RORA: variants seen among roughly 807,000 people sequenced by gnomAD.
RORA encodes RAR related orphan receptor A, also known as nuclear receptor ROR-alpha.
In RORA, 7 loss-of-function variants were observed where a neutral mutation model predicts 69.5. The observed-to-expected ratio is 0.10, with a 90% confidence interval of 0.06 to 0.19. RORA has a LOEUF of 0.19. Ranked by LOEUF, RORA falls within the 10% of genes least tolerant of loss-of-function variation. The pLI is 1.00. For synonymous variants in RORA, 261 were observed against 240.8 expected (o/e 1.08, Z -0.78); for missense variants, 457 against 663.0 (o/e 0.69, Z 3.41).
At chr15:61,183,677 C>T (rs2079710981) in intron 1 of RORA, among the ~76,000 whole-genome samples, 1 of 152,066 alleles carries the variant, frequency 6.6e-6, no homozygotes, top group Non-Finnish European at 1.5e-5. Context: ...TCTTCTTATC[C>T]TCATTTATTC....
At chr15:61,135,323 T>C (rs911017601) in intron 1 of RORA, among the ~76,000 whole-genome samples, 6 of 151,792 alleles carry the variant, frequency 4.0e-5, no homozygotes, top group Non-Finnish European at 7.4e-5. Flanking sequence ...AGAGAGAGAC[T>C]CTGTCTCAAA....
chr15:60,501,672 A>G (rs568218122), intron 8 of RORA, among the ~76,000 whole-genome samples: 61 of 152,314 alleles, frequency 4.0e-4, no homozygotes, highest in African/African-American at 1.4e-3. Context: ...AACATCCTTA[A>G]AAATGTTAAC....
At chr15:60,669,294 A>C (rs2070427956) in intron 2 of RORA, among the ~76,000 whole-genome samples, 1 of 151,970 alleles carries the variant, frequency 6.6e-6, no homozygotes, top group Admixed American at 6.6e-5. Context: ...TAATCAGAAG[A>C]GCCTTCTCTT....
At chr15:61,188,632 G>A (rs1307374667) in intron 1 of RORA, among the ~76,000 whole-genome samples, 1 of 152,086 alleles carries the variant, frequency 6.6e-6, no homozygotes, top group Non-Finnish European at 1.5e-5. Context: ...AATCATTAAT[G>A]ATTTAAAAAT....
intron 1 of RORA, among the ~76,000 whole-genome samples, chr15:60,855,367 C>T (rs1402878033): frequency 6.6e-6 from 1 of 152,144 alleles, no homozygotes; most frequent in Admixed American, 6.5e-5. Context: ...TGACTCACTC[C>T]CCAGGTGCTT....
chr15:60,758,002 G>A (rs2071827211), intron 1 of RORA, among the ~76,000 whole-genome samples: 1 of 152,196 alleles, frequency 6.6e-6, no homozygotes, highest in East Asian at 1.9e-4. Flanking sequence ...AGTCTAGTGT[G>A]CATGGTGATC....
At chr15:60,907,433 C>T (rs943199062) in intron 1 of RORA, among the ~76,000 whole-genome samples, 3 of 152,186 alleles carry the variant, frequency 2.0e-5, no homozygotes, top group Non-Finnish European at 4.4e-5. Context: ...AGCTGGGTGA[C>T]CTTGACCTTG....
chr15:60,670,838 C>G (rs1022465361), intron 2 of RORA, among the ~76,000 whole-genome samples: 1 of 151,992 alleles, frequency 6.6e-6, no homozygotes. Context: ...ATAAAGAAAT[C>G]AGTGTAAAAA....
At chr15:61,002,133 AC>A (rs1894765393) in intron 1 of RORA, among the ~76,000 whole-genome samples, 1 of 152,248 alleles carries the variant, frequency 6.6e-6, no homozygotes, top group Non-Finnish European at 1.5e-5. Flanking sequence ...AACCATGTCC[AC>A]ATGACATTAG....
rs1163492301 is a variant in RORA at position 60,496,634 on chromosome 15, A to G, written c.*821T>C. 1 of 152,188 alleles carries G rather than the reference A, an allele frequency of 6.6e-6. No individual in the cohort carries two copies. The highest frequency in any genetic ancestry group is 1.5e-5 in the Non-Finnish European group (1 of 68,030). The allele number at this position is 152,188 out of a possible 1,614,324, so 9.4% of individuals were successfully genotyped here. A position where few individuals can be genotyped will look rare whatever the true frequency, so the allele number is the denominator to read the frequency against. ...AAAAAAATCCAACGTGGTGATTTCT[A>G]GATATGACCAGCCAGTCTCTTAAAA... On this transcript the variant is annotated 3_prime_UTR_variant, in exon 11 of 11. Transcript: ENST00000335670. The surrounding 1 kb of genome is among the most constrained non-coding windows in gnomAD (Gnocchi z 4.5).
intron 1 of RORA, among the ~76,000 whole-genome samples, chr15:60,959,113 A>T (rs1233618786): frequency 6.6e-6 from 1 of 152,226 alleles, no homozygotes; most frequent in East Asian, 1.9e-4. Flanking sequence ...AAAAGCTAGA[A>T]CTACCAGCTT....
At chr15:60,547,881 G>A (rs1686828469) in intron 2 of RORA, 1 of 152,128 alleles carries the variant, frequency 6.6e-6, no homozygotes, top group African/African-American at 2.4e-5. Context: ...AAGGGGCAAT[G>A]TTCACGTGGA....
rs534251625 is a variant in RORA, at chr15:60,779,717, G to A, written c.167-101031C>T. On this transcript the variant is annotated intron_variant, in intron 1 of 10. Transcript: ENST00000335670. ...ACTCTACAAGGTTTTTCTCAAGACAGTCCTAGCAATGAAGCTTCCAACAAA... is the reference window on the plus strand; with the variant it reads ...ACTCTACAAGGTTTTTCTCAAGACAATCCTAGCAATGAAGCTTCCAACAAA... 5.9e-5 allele frequency among the ~76,000 whole-genome samples: 9 copies of A among 152,326 alleles called. No homozygotes were observed. The East Asian group carries it at 9.6e-4, about 16-fold the overall frequency.
intron 2 of RORA, among the ~76,000 whole-genome samples, chr15:60,575,248 T>A (rs2067992210): frequency 6.6e-6 from 1 of 152,216 alleles, no homozygotes; most frequent in Admixed American, 6.5e-5. Flanking sequence ...GATTCACTTT[T>A]TCCTTCCCAT....
chr15:60,830,857 G>C (rs888917781), intron 1 of RORA, among the ~76,000 whole-genome samples: 2 of 152,220 alleles, frequency 1.3e-5, no homozygotes, highest in Admixed American at 6.5e-5. Context: ...TCTTGGGCAT[G>C]AGGGACCACA....
chr15:61,047,960 G>A (rs1897113004), intron 1 of RORA, among the ~76,000 whole-genome samples: 1 of 152,110 alleles, frequency 6.6e-6, no homozygotes, highest in Non-Finnish European at 1.5e-5. Flanking sequence ...AATGAGCAAC[G>A]TTAAAACTCC....
At chr15:60,768,246 C>A (rs2072019589) in intron 1 of RORA, among the ~76,000 whole-genome samples, 1 of 152,220 alleles carries the variant, frequency 6.6e-6, no homozygotes, top group Non-Finnish European at 1.5e-5. Context: ...CCAGATACAT[C>A]CATCAAGCAA....
intron 2 of RORA, among the ~76,000 whole-genome samples, chr15:60,535,886 CATCATT>C: frequency 6.6e-6 from 1 of 152,300 alleles, no homozygotes; most frequent in South Asian, 2.1e-4. Context: ...TTGTTACTGT[CATCATT>C]GTCATCATCA....
intron 3 of RORA, among the ~76,000 whole-genome samples, chr15:60,521,193 G>A (rs1194698639): frequency 6.6e-6 from 1 of 151,704 alleles, no homozygotes; most frequent in African/African-American, 2.4e-5. Flanking sequence ...ATACATAGTA[G>A]TTTGAACAAT....
Sources: allele counts gnomAD v4.1 joint callset (sites outside exome capture counted in the v4.1 genomes callset), GRCh38; gene constraint gnomAD v4.1.1; non-coding constraint Gnocchi (gnomAD v3.1); transcripts MANE v1.5; gene names NCBI Gene and HGNC (gene_info 2026-07-23, HGNC 2026-07-21).